The following ZBTB44 variants were observed in gnomAD, a reference collection of about 807,000 sequenced individuals.
ZBTB44 encodes zinc finger and BTB domain-containing protein 44.
A neutral mutation model predicts 54.0 loss-of-function variants in ZBTB44; 15 were observed. The observed-to-expected ratio is 0.28, with a 90% CI of 0.19 to 0.43. The LOEUF (loss-of-function observed/expected upper bound fraction) is 0.43. ZBTB44 is among the 20% of genes least tolerant of loss of function. The probability of loss-of-function intolerance (pLI) is 1.00; values close to 1 mark genes in which losing one functional copy is unlikely to be tolerated. For synonymous variants in ZBTB44, 230 were observed against 250.1 expected, an observed-to-expected ratio of 0.92 and a Z score of 0.76; for missense variants, 487 against 707.1, an observed-to-expected ratio of 0.69 and a Z score of 3.53.
chr11:130,276,962 T>A (rs576269136), intron 1 of ZBTB44, among the ~76,000 whole-genome samples: 1 of 152,336 alleles, frequency 6.6e-6, no homozygotes, highest in Admixed American at 6.5e-5. Flanking sequence ...CCACTCTCGC[T>A]TTCTGGTGGT....
At chr11:130,245,156 C>G (rs1954588562) in intron 2 of ZBTB44, among the ~76,000 whole-genome samples, 1 of 152,194 alleles carries the variant, frequency 6.6e-6, no homozygotes, top group Non-Finnish European at 1.5e-5. Context: ...TCTTTCTGGT[C>G]TCCCCATTCC....
intron 1 of ZBTB44, among the ~76,000 whole-genome samples, chr11:130,264,977 G>C (rs1005401703): frequency 5.3e-5 from 8 of 152,078 alleles, no homozygotes; most frequent in African/African-American, 1.9e-4. Context: ...CTGTTATGGT[G>C]ATCTGTGATC....
rs779231891 is a variant in ZBTB44 at position 130,233,305 on chromosome 11, T to C, written c.*48+3A>G. The C allele has an allele frequency of 3.9e-6, 6 of 1,519,432 alleles. No homozygotes were observed. The South Asian group carries it at 4.9e-5, about 12-fold the overall frequency. 94.1% of individuals were successfully genotyped at this position (1,519,432 alleles called of 1,614,324 possible). A position where few individuals can be genotyped will look rare whatever the true frequency, so the allele number is the denominator to read the frequency against. On this transcript the variant is annotated splice_donor_region_variant and intron_variant, in intron 7 of 7. Transcript: ENST00000357899. The stretch of plus-strand genomic sequence containing the variant: ...AGTTCCTATGAAGCTGGGATTTACA[T>C]ACTTCATTCTCCGTTCCTGGTCATT...
At chr11:130,242,727 A>AT (rs11370446) in intron 2 of ZBTB44, among the ~76,000 whole-genome samples, 9,515 of 152,042 alleles carry the variant, frequency 0.063, 743 homozygotes, top group African/African-American at 0.18. Flanking sequence ...GTCTTTTTAC[A>AT]TTTTTTTCCC....
intron 2 of ZBTB44, among the ~76,000 whole-genome samples, chr11:130,249,115 A>G (rs1263588882): frequency 6.6e-6 from 1 of 152,202 alleles, no homozygotes; most frequent in Non-Finnish European, 1.5e-5. Flanking sequence ...AACAAAAACA[A>G]AACTATCATA....
intron 1 of ZBTB44, among the ~76,000 whole-genome samples, chr11:130,304,441 G>A (rs1942158372): frequency 6.6e-6 from 1 of 152,038 alleles, no homozygotes; most frequent in African/African-American, 2.4e-5. Context: ...AAGTAATGAG[G>A]GAACCCTCTT....
At chr11:130,296,104 C>T in intron 1 of ZBTB44, 1 of 1,564,320 alleles carries the variant, frequency 6.4e-7, no homozygotes, top group Non-Finnish European at 8.8e-7. Context: ...AATTATTAAA[C>T]TTTTGCCAAC....
At chr11:130,279,790 C>A (rs1940377921) in intron 1 of ZBTB44, among the ~76,000 whole-genome samples, 1 of 152,118 alleles carries the variant, frequency 6.6e-6, no homozygotes, top group Admixed American at 6.5e-5. Context: ...TTTCTATAGT[C>A]CTCTCCCACA....
At chr11:130,279,335 G>A (rs966735246) in intron 1 of ZBTB44, among the ~76,000 whole-genome samples, 1 of 151,294 alleles carries the variant, frequency 6.6e-6, no homozygotes, top group African/African-American at 2.4e-5. Context: ...AAAAGCCCTG[G>A]GTTTATATTC....
At chr11:130,295,626 A>T in intron 1 of ZBTB44, 1 of 825,558 alleles carries the variant, frequency 1.2e-6, no homozygotes, top group Non-Finnish European at 2.0e-6. Flanking sequence ...GAAAACTCTG[A>T]AGTTAAAAAA....
intron 1 of ZBTB44, among the ~76,000 whole-genome samples, chr11:130,281,305 A>C (rs1182867488): frequency 6.6e-6 from 1 of 152,040 alleles, no homozygotes; most frequent in South Asian, 2.1e-4. Flanking sequence ...GGATCACTTG[A>C]GCCCAAGAGT....
chr11:130,302,436 A>T (rs1018706905), intron 1 of ZBTB44, among the ~76,000 whole-genome samples: 1 of 152,220 alleles, frequency 6.6e-6, no homozygotes, highest in Non-Finnish European at 1.5e-5. Context: ...GTAAATAAAA[A>T]TAATTCTCTT....
In ZBTB44 at chr11:130,314,618, A is replaced by T. The variant is rs1565347648; in HGVS notation, c.-300T>A. On this transcript the variant is annotated 5_prime_UTR_variant, in exon 1 of 8. Coordinates refer to ENST00000357899, the MANE Select transcript of ZBTB44 (RefSeq NM_001301098.2). ...CGTGCCCGCGAGTGGGAGTGCGAGG[A>T]GGCGGGGAGGGAAGCACCCCCAGCG... 1.3e-5 allele frequency: 2 copies of T among 151,348 alleles called. No individual in the cohort carries two copies. The highest frequency in any genetic ancestry group is 4.9e-5 in the African/African-American group (2 of 41,062). The allele number at this position is 151,348 out of a possible 1,614,324, so 9.4% of individuals were successfully genotyped here.
At chr11:130,307,258 A>C (rs1371499507) in intron 1 of ZBTB44, among the ~76,000 whole-genome samples, 1 of 151,964 alleles carries the variant, frequency 6.6e-6, no homozygotes, top group Non-Finnish European at 1.5e-5. Flanking sequence ...CCCCGTCTCT[A>C]CTAAAAATAC....
At chr11:130,248,504 G>C (rs1372142647) in intron 2 of ZBTB44, among the ~76,000 whole-genome samples, 2 of 152,060 alleles carry the variant, frequency 1.3e-5, no homozygotes, top group Non-Finnish European at 2.9e-5. Flanking sequence ...AGCCAGGTGT[G>C]GTGGCAGGCA....
intron 1 of ZBTB44, among the ~76,000 whole-genome samples, chr11:130,297,395 T>C (rs1049340128): frequency 2.6e-5 from 4 of 152,266 alleles, no homozygotes; most frequent in Non-Finnish European, 4.4e-5. Flanking sequence ...TAAAAAAATA[T>C]GTACACAAGT....
chr11:130,306,293 G>A (rs1351027197), intron 1 of ZBTB44, among the ~76,000 whole-genome samples: 1 of 151,864 alleles, frequency 6.6e-6, no homozygotes, highest in African/African-American at 2.4e-5. Flanking sequence ...ACCTGAGGTC[G>A]GGAGTTCGAG....
chr11:130,281,482 T>C (rs553254533), intron 1 of ZBTB44, among the ~76,000 whole-genome samples: 39 of 151,608 alleles, frequency 2.6e-4, no homozygotes, highest in Non-Finnish European at 4.4e-4. Flanking sequence ...ATTGTGCTAC[T>C]GCACTCTAGC....
At position 130,281,516 on chromosome 11, in the gene ZBTB44, AAAATAAATAAATAAAT is replaced by A. The variant is rs58860118; in HGVS notation, c.-56-19603_-56-19588del. Among the ~76,000 whole-genome samples the A allele has an allele frequency of 2.1e-3, 297 of 138,840 alleles. 2 individuals carry two copies. The highest frequency in any genetic ancestry group is 2.9e-3 in the East Asian group (14 of 4,826). 91.1% of individuals were successfully genotyped at this position (138,840 alleles called of 152,430 possible). On this transcript the variant is annotated intron_variant, in intron 1 of 7. Transcript: ENST00000357899. ...GCCTGGGCAACAGAGACCCTGTCTC[AAAATAAATAAATAAAT>A]AAATAAATAAATAAATAAATAAATA...
Sources: gnomAD v4.1 joint callset for allele counts (sites outside exome capture counted in the v4.1 genomes callset) on GRCh38, gnomAD v4.1.1 for gene constraint, MANE v1.5 for transcripts, NCBI Gene and HGNC (gene_info 2026-07-23, HGNC 2026-07-21) for gene names.